Variants in RAB3C observed in about 807,000 individuals in gnomAD.
RAB3C encodes ras-related protein Rab-3C.
A neutral mutation model predicts 26.4 loss-of-function variants in RAB3C; 17 were observed. The observed-to-expected ratio is 0.64, with a 90% CI of 0.44 to 0.97. RAB3C has a LOEUF of 0.97. Among genes scored for constraint, RAB3C ranks in the 50% least tolerant of loss-of-function variants. The pLI is 0.00. For synonymous variants in RAB3C, 91 were observed against 95.9 expected (o/e 0.95, Z 0.30); for missense variants, 242 against 281.9 (o/e 0.86, Z 1.01).
At chr5:58,593,195 C>CCGA (rs1746175811) in intron 1 of RAB3C, among the ~76,000 whole-genome samples, 1 of 152,026 alleles carries the variant, frequency 6.6e-6, no homozygotes, top group African/African-American at 2.4e-5. Context: ...TTTTGTTAAG[C>CCGA]CTGTCCAGGA....
intron 1 of RAB3C, among the ~76,000 whole-genome samples, chr5:58,611,500 C>T (rs1405050424): frequency 1.3e-4 from 20 of 151,898 alleles, no homozygotes; most frequent in Non-Finnish European, 2.6e-4. Context: ...ACCTTTTTTT[C>T]ATGTGTTTGT....
chr5:58,770,089 G>A (rs975644180), intron 3 of RAB3C, among the ~76,000 whole-genome samples: 7 of 151,968 alleles, frequency 4.6e-5, no homozygotes, highest in African/African-American at 1.2e-4. Context: ...GAATAAGGAG[G>A]GTAATTATTA....
intron 2 of RAB3C, among the ~76,000 whole-genome samples, chr5:58,632,322 G>A (rs765377015): frequency 6.6e-6 from 1 of 152,206 alleles, no homozygotes; most frequent in Non-Finnish European, 1.5e-5. Flanking sequence ...CCCAGAGTCA[G>A]TCCCTTGTCG....
chr5:58,826,087 A>G (rs1003742770), intron 4 of RAB3C, among the ~76,000 whole-genome samples: 2 of 152,164 alleles, frequency 1.3e-5, no homozygotes, highest in Admixed American at 6.5e-5. Flanking sequence ...AGGGAGGCAG[A>G]CACAGGAAGG....
intron 2 of RAB3C, among the ~76,000 whole-genome samples, chr5:58,721,600 G>A (rs1056240903): frequency 2.0e-5 from 3 of 151,588 alleles, no homozygotes; most frequent in Non-Finnish European, 2.9e-5. Context: ...ATTAGTAAAC[G>A]TCAATTATAA....
intron 2 of RAB3C, among the ~76,000 whole-genome samples, chr5:58,677,910 C>T (rs1243986291): frequency 6.6e-6 from 1 of 151,574 alleles, no homozygotes; most frequent in Non-Finnish European, 1.5e-5. Flanking sequence ...GGGTAATGAC[C>T]TAGAATCAAA....
rs185132107 is a variant in RAB3C, at chr5:58,643,477, A to G, written c.252+25607A>G. On this transcript the variant is annotated intron_variant, in intron 2 of 4. Coordinates refer to ENST00000282878, the MANE Select transcript of RAB3C (RefSeq NM_138453.4). ...ACTATAACTTTTTTTTTCTTTCTAT[A>G]TAGCTTAGAATTATTCTTCTATTTA... Among the ~76,000 whole-genome samples the G allele has an allele frequency of 2.0e-5, 3 of 151,946 alleles. No individual in the cohort carries two copies. The East Asian group carries it at 5.8e-4, about 29-fold the overall frequency.
chr5:58,825,271 A>G (rs1174071476), intron 4 of RAB3C, 109 bp downstream of exon 4: 28 of 1,198,904 alleles, frequency 2.3e-5, no homozygotes, highest in Admixed American at 1.9e-4. Flanking sequence ...ATGTTTGTCA[A>G]TCTAAGAGTG....
intron 3 of RAB3C, chr5:58,823,833 G>A (rs551771212): frequency 4.0e-5 from 6 of 150,660 alleles, no homozygotes; most frequent in South Asian, 2.1e-4. Flanking sequence ...CCATTAACTC[G>A]TCATTTAGCA....
At chr5:58,594,633 A>C (rs999702974) in intron 1 of RAB3C, among the ~76,000 whole-genome samples, 2 of 152,138 alleles carry the variant, frequency 1.3e-5, no homozygotes, top group Non-Finnish European at 2.9e-5. Flanking sequence ...GTGCATGGAC[A>C]ACAAGGTGCT....
At chr5:58,687,785 T>C (rs962995794) in intron 2 of RAB3C, among the ~76,000 whole-genome samples, 2 of 152,122 alleles carry the variant, frequency 1.3e-5, no homozygotes, top group African/African-American at 4.8e-5. Flanking sequence ...ACTAAAGAAA[T>C]AATATGACTC....
At chr5:58,592,051 A>G (rs1203553009) in intron 1 of RAB3C, among the ~76,000 whole-genome samples, 2 of 151,528 alleles carry the variant, frequency 1.3e-5, no homozygotes, top group Admixed American at 1.3e-4. Context: ...GGCATGTGCA[A>G]CCACACCCAG....
chr5:58,770,223 G>C (rs760552062), intron 3 of RAB3C, among the ~76,000 whole-genome samples: 1 of 152,100 alleles, frequency 6.6e-6, no homozygotes, highest in Non-Finnish European at 1.5e-5. Flanking sequence ...CTGCTAATGG[G>C]TTATCCACAT....
At chr5:58,685,080 C>T (rs1428597427) in intron 2 of RAB3C, among the ~76,000 whole-genome samples, 1 of 152,148 alleles carries the variant, frequency 6.6e-6, no homozygotes, top group Admixed American at 6.5e-5. Context: ...GTGATAGAAT[C>T]TTTATTGACC....
chr5:58,585,124 AT>A (rs1167625385), intron 1 of RAB3C, among the ~76,000 whole-genome samples: 1 of 152,066 alleles, frequency 6.6e-6, no homozygotes, highest in Admixed American at 6.5e-5. Context: ...GTCATGAGTA[AT>A]GTACATTTTA....
chr5:58,834,601 G>A (rs765608238), intron 4 of RAB3C, among the ~76,000 whole-genome samples: 1 of 152,200 alleles, frequency 6.6e-6, no homozygotes, highest in Non-Finnish European at 1.5e-5. Context: ...TCTGGGTTCA[G>A]CAGGGAATCC....
chr5:58,790,617 A>C (rs1372836792), intron 3 of RAB3C, among the ~76,000 whole-genome samples: 2 of 152,184 alleles, frequency 1.3e-5, no homozygotes, highest in African/African-American at 4.8e-5. Context: ...CGGGAAAAAA[A>C]CAAACAAGGA....
At chr5:58,753,739 A>G (rs1176309445) in intron 3 of RAB3C, among the ~76,000 whole-genome samples, 1 of 152,134 alleles carries the variant, frequency 6.6e-6, no homozygotes, top group Admixed American at 6.5e-5. Flanking sequence ...CAAGAACAGA[A>G]CCAAGGGAAT....
At chr5:58,788,036 G>C (rs894015263) in intron 3 of RAB3C, among the ~76,000 whole-genome samples, 1 of 152,226 alleles carries the variant, frequency 6.6e-6, no homozygotes, top group Non-Finnish European at 1.5e-5. Flanking sequence ...GAGAGCGAGA[G>C]GGCAGGTGCA....
Sources: gnomAD v4.1 joint callset for allele counts (sites outside exome capture counted in the v4.1 genomes callset) on GRCh38, gnomAD v4.1.1 for gene constraint, MANE v1.5 for transcripts, NCBI Gene and HGNC (gene_info 2026-07-23, HGNC 2026-07-21) for gene names.